TFEC: variants seen among roughly 807,000 people sequenced by gnomAD.
TFEC encodes the protein class E basic helix-loop-helix protein 34.
Under a neutral mutation model 41.6 loss-of-function variants are expected in TFEC, and 31 were observed. The ratio of observed to expected loss-of-function variants is 0.74; its 90% CI spans 0.56 to 1.01. The LOEUF (loss-of-function observed/expected upper bound fraction) is 1.01, where lower values mean the gene tolerates loss of function less well. Ranked by LOEUF, TFEC falls within the 50% of genes least tolerant of loss-of-function variation. The pLI, the probability that TFEC is intolerant of heterozygous loss-of-function variation, is 0.00. For synonymous variants in TFEC, 143 were observed against 140.6 expected (o/e 1.02, Z -0.12); for missense variants, 402 against 404.1 (o/e 0.99, Z 0.04).
intron 1 of TFEC, among the ~76,000 whole-genome samples, chr7:116,006,630 T>C (rs567232264): frequency 6.6e-6 from 1 of 152,296 alleles, no homozygotes; most frequent in African/African-American, 2.4e-5. Context: ...GATGGGACTT[T>C]GGACTGTGGA....
chr7:116,013,420 G>T (rs994543643), intron 1 of TFEC, among the ~76,000 whole-genome samples: 1 of 152,066 alleles, frequency 6.6e-6, no homozygotes, highest in South Asian at 2.1e-4. Context: ...GTTATAAAAA[G>T]AACATTAAAA....
chr7:116,114,830 A>G (rs193113284), intron 1 of TFEC, among the ~76,000 whole-genome samples: 107 of 152,154 alleles, frequency 7.0e-4, no homozygotes, highest in African/African-American at 2.6e-3. Context: ...GGAATCAAAG[A>G]AAGACATCAG....
intron 5 of TFEC, 96 bp from the exon 6 acceptor site, chr7:115,951,045 GA>G (rs1188590850): frequency 3.0e-5 from 18 of 607,654 alleles, no homozygotes; most frequent in East Asian, 1.0e-4. Flanking sequence ...AAAACAATGG[GA>G]AAAAAACTTT....
intron 1 of TFEC, among the ~76,000 whole-genome samples, chr7:116,135,244 C>A (rs991535842): frequency 6.6e-6 from 1 of 152,032 alleles, no homozygotes; most frequent in Admixed American, 6.6e-5. Flanking sequence ...AAAGCTCCAC[C>A]GTTTCACTGT....
intron 1 of TFEC, among the ~76,000 whole-genome samples, chr7:116,159,569 T>C (rs1332207543): frequency 6.6e-6 from 1 of 152,098 alleles, no homozygotes; most frequent in Non-Finnish European, 1.5e-5. Flanking sequence ...TTCTAGTGAA[T>C]TCACCAGTGA....
At chr7:116,008,979 T>G (rs1794903730) in intron 1 of TFEC, among the ~76,000 whole-genome samples, 1 of 152,200 alleles carries the variant, frequency 6.6e-6, no homozygotes, top group Admixed American at 6.6e-5. Flanking sequence ...AGATCCACAC[T>G]TAAAAGACTA....
chr7:115,951,741 C>T (rs2130361785), intron 5 of TFEC, among the ~76,000 whole-genome samples: 1 of 152,126 alleles, frequency 6.6e-6, no homozygotes, highest in Non-Finnish European at 1.5e-5. Context: ...GCTTTGAAAA[C>T]TGCTGATATA....
In TFEC at chr7:115,940,553, A is replaced by G; in HGVS notation, c.1042T>C (p.Ter348GlnextTer41). The G allele has an allele frequency of 1.2e-6, 2 of 1,606,280 alleles. No homozygotes were observed. The highest frequency in any genetic ancestry group is 1.3e-5 in the African/African-American group (1 of 74,808). ...SFSSDDGDEL[*>Q] ...GATGAATTGGGTCTGTTTATTTCTT[A>G]TAATTCATCACCATCATCTGAGCTA... The change falls in exon 8 of 8, where the codon TAA (stop) becomes CAA (glutamine). Residue 348 changes from the stop codon to glutamine, a stop_lost. Coordinates refer to ENST00000265440, the MANE Select transcript of TFEC (RefSeq NM_012252.4).
chr7:116,073,266 T>C (rs1305291084), intron 3 of TFEC, among the ~76,000 whole-genome samples: 1 of 151,660 alleles, frequency 6.6e-6, no homozygotes, highest in East Asian at 1.9e-4. Flanking sequence ...TACCTGGAAA[T>C]AAATTTAGCA....
chr7:116,083,779 G>A (rs112349651), intron 3 of TFEC, among the ~76,000 whole-genome samples: 95 of 151,996 alleles, frequency 6.3e-4, no homozygotes, highest in African/African-American at 2.1e-3. Flanking sequence ...GATTCATTCA[G>A]AAGAAATCTG....
At chr7:116,104,688 G>A (rs1039404847) in intron 3 of TFEC, among the ~76,000 whole-genome samples, 1 of 151,238 alleles carries the variant, frequency 6.6e-6, no homozygotes, top group African/African-American at 2.4e-5. Flanking sequence ...TAGGCAGAGG[G>A]ACTTTGAAGT....
chr7:116,095,166 T>C (rs548598679), intron 3 of TFEC, among the ~76,000 whole-genome samples: 3 of 152,354 alleles, frequency 2.0e-5, no homozygotes, highest in Non-Finnish European at 4.4e-5. Context: ...TGGTTTGACC[T>C]TTTCAGAATG....
In TFEC at chr7:116,156,536, C is replaced by A. The variant is rs1798873890; in HGVS notation, c.-69+3254G>T. On this transcript the variant is annotated intron_variant, in intron 1 of 8. Coordinates refer to the TFEC transcript ENST00000484212. ...GGGCTTCTCCATAACTACACCCATC[C>A]TCAGCCTTGAATCTTTTCTTGCAAT... Among the ~76,000 whole-genome samples the A allele has an allele frequency of 2.6e-5, 4 of 152,142 alleles. No individual in the cohort carries two copies. In the South Asian group the frequency reaches 8.3e-4, roughly 32 times the overall value.
chr7:115,976,986 G>A (rs982791074), intron 2 of TFEC, among the ~76,000 whole-genome samples: 1 of 152,060 alleles, frequency 6.6e-6, no homozygotes, highest in African/African-American at 2.4e-5. Flanking sequence ...CTGTGCCTTT[G>A]CCTTTAACAC....
At chr7:116,124,428 A>G (rs1474256333) in intron 1 of TFEC, among the ~76,000 whole-genome samples, 1 of 152,204 alleles carries the variant, frequency 6.6e-6, no homozygotes, top group Admixed American at 6.5e-5. Context: ...CACTGGAAAT[A>G]GCAAGACTGG....
intron 3 of TFEC, among the ~76,000 whole-genome samples, chr7:116,058,417 A>G (rs1796478382): frequency 6.6e-6 from 1 of 151,816 alleles, no homozygotes; most frequent in Admixed American, 6.6e-5. Context: ...ATAGAAAATT[A>G]GAAAATAGAA....
chr7:115,994,892 G>A (rs1427815484), intron 1 of TFEC, among the ~76,000 whole-genome samples: 5 of 152,078 alleles, frequency 3.3e-5, no homozygotes, highest in Non-Finnish European at 7.3e-5. Context: ...AAAGACACAT[G>A]CACACGTATG....
intron 3 of TFEC, among the ~76,000 whole-genome samples, chr7:116,081,092 T>C (rs994594916): frequency 6.6e-5 from 10 of 151,672 alleles, no homozygotes; most frequent in African/African-American, 2.2e-4. Context: ...GTACTGGAGA[T>C]TATTCTAAGT....
chr7:115,988,492 T>C (rs1584645895), intron 1 of TFEC, among the ~76,000 whole-genome samples: 1 of 151,786 alleles, frequency 6.6e-6, no homozygotes, highest in Non-Finnish European at 1.5e-5. Flanking sequence ...AGATTAAGGA[T>C]TTCACAACAA....
Sources: gnomAD v4.1 joint callset for allele counts (sites outside exome capture counted in the v4.1 genomes callset) on GRCh38, gnomAD v4.1.1 for gene constraint, MANE v1.5 for transcripts, NCBI Gene and HGNC (gene_info 2026-07-23, HGNC 2026-07-21) for gene names.